The following CAMK4 variants were observed in gnomAD, a reference collection of about 807,000 sequenced individuals.
CAMK4 encodes the protein calcium/calmodulin-dependent protein kinase type IV.
In CAMK4, 22 loss-of-function variants were observed where a neutral mutation model predicts 44.9. The ratio of observed to expected loss-of-function variants is 0.49; its 90% CI spans 0.35 to 0.70. CAMK4 has a LOEUF of 0.70. Among genes scored for constraint, CAMK4 ranks in the 30% least tolerant of loss-of-function variants. CAMK4 has a pLI of 0.01. For missense variants in CAMK4, 498 were observed against 586.8 expected, an observed-to-expected ratio of 0.85 and a Z score of 1.56; for synonymous variants, 218 against 215.4, an observed-to-expected ratio of 1.01 and a Z score of -0.11.
At chr5:111,414,134 A>C (rs75921494) in intron 5 of CAMK4, among the ~76,000 whole-genome samples, 6,613 of 152,236 alleles carry the variant, frequency 0.043, 349 homozygotes, top group African/African-American at 0.13. Context: ...ACTTTGGACT[A>C]AGTATTCAGG....
intron 1 of CAMK4, among the ~76,000 whole-genome samples, chr5:111,249,658 G>GTATATA (rs377078281): frequency 6.5e-4 from 64 of 97,820 alleles, no homozygotes; most frequent in African/African-American, 1.9e-3. Flanking sequence ...GTGTGTGTGT[G>GTATATA]TATATATATG....
chr5:111,419,023 C>G (rs1012999257), intron 5 of CAMK4, among the ~76,000 whole-genome samples: 2 of 152,120 alleles, frequency 1.3e-5, no homozygotes, highest in Non-Finnish European at 2.9e-5. Context: ...GCCACACTGA[C>G]TTCCACAATG....
chr5:111,448,370 CTA>C (rs1754102737), intron 6 of CAMK4, among the ~76,000 whole-genome samples: 1 of 152,134 alleles, frequency 6.6e-6, no homozygotes, highest in South Asian at 2.1e-4. Context: ...TGATGAAAGT[CTA>C]TTTTTTTTCT....
Position 111,289,215 on chromosome 5 carries a change from G to A in CAMK4, c.162-54809G>A, listed in dbSNP as rs113478754. 5.2e-3 allele frequency among the ~76,000 whole-genome samples: 797 copies of A among 152,096 alleles called. 8 individuals carry two copies. The highest frequency in any genetic ancestry group is 0.013 in the African/African-American group (528 of 41,486). Reference sequence around the variant, plus strand: ...CACAAAATTAGCTGGACATGGTGGCGCTCGCCTGTAATCCCAGCTATTCGG... The same window carrying A: ...CACAAAATTAGCTGGACATGGTGGCACTCGCCTGTAATCCCAGCTATTCGG... On this transcript the variant is annotated intron_variant, in intron 1 of 10. Coordinates refer to ENST00000282356, the MANE Select transcript of CAMK4 (RefSeq NM_001744.6).
chr5:111,329,489 A>T (rs909209590), intron 1 of CAMK4, among the ~76,000 whole-genome samples: 2 of 151,924 alleles, frequency 1.3e-5, no homozygotes, highest in Non-Finnish European at 2.9e-5. Context: ...GGGCAGCATA[A>T]CACTAATACC....
chr5:111,225,729 GT>G (rs1332999663), intron 1 of CAMK4, among the ~76,000 whole-genome samples: 1 of 152,188 alleles, frequency 6.6e-6, no homozygotes, highest in Non-Finnish European at 1.5e-5. Context: ...GTGGGAAGAT[GT>G]AATGATCACT....
At position 111,440,372 on chromosome 5, in the gene CAMK4, A is replaced by G. The variant is rs188883375; in HGVS notation, c.460-6314A>G. ...TGTTTATCAATGACAAATATTATTT[A>G]TTTTAGAAATTTTTTGTTACGTAGT... On this transcript the variant is annotated intron_variant, in intron 5 of 10. Coordinates refer to ENST00000282356, the MANE Select transcript of CAMK4 (RefSeq NM_001744.6). Among the ~76,000 whole-genome samples, 29 of 152,324 alleles carry G rather than the reference A, an allele frequency of 1.9e-4. No individual in the cohort carries two copies. In the East Asian group the frequency reaches 5.4e-3, roughly 28 times the overall value.
At chr5:111,356,994 C>A (rs1750389858) in intron 2 of CAMK4, among the ~76,000 whole-genome samples, 1 of 152,050 alleles carries the variant, frequency 6.6e-6, no homozygotes, top group South Asian at 2.1e-4. Flanking sequence ...AGAGCACCAA[C>A]AGGCCTGAGT....
intron 1 of CAMK4, among the ~76,000 whole-genome samples, chr5:111,339,563 T>A (rs1012101215): frequency 6.6e-6 from 1 of 151,416 alleles, no homozygotes; most frequent in Non-Finnish European, 1.5e-5. Context: ...TTCAGGGATC[T>A]CTATTTGTTC....
At chr5:111,282,293 G>C (rs185001004) in intron 1 of CAMK4, among the ~76,000 whole-genome samples, 81 of 152,258 alleles carry the variant, frequency 5.3e-4, no homozygotes, top group Non-Finnish European at 9.9e-4. Context: ...TTAGGTGGCT[G>C]ATGGGGAAAT....
chr5:111,250,561 C>G (rs1749441642), intron 1 of CAMK4, among the ~76,000 whole-genome samples: 1 of 152,214 alleles, frequency 6.6e-6, no homozygotes, highest in Non-Finnish European at 1.5e-5. Context: ...TACAACTCCA[C>G]TTCCCAGTAT....
chr5:111,334,648 T>G (rs1414894631), intron 1 of CAMK4, among the ~76,000 whole-genome samples: 1 of 151,574 alleles, frequency 6.6e-6, no homozygotes, highest in African/African-American at 2.4e-5. Context: ...AAGAGTAATG[T>G]GATGATATAT....
intron 1 of CAMK4, among the ~76,000 whole-genome samples, chr5:111,269,281 A>G (rs183505761): frequency 8.6e-4 from 131 of 152,302 alleles, no homozygotes; most frequent in African/African-American, 2.9e-3. Flanking sequence ...TGACTTGACA[A>G]TTTATGGTAT....
At chr5:111,474,834 A>G (rs1755181037) in intron 8 of CAMK4, among the ~76,000 whole-genome samples, 1 of 152,244 alleles carries the variant, frequency 6.6e-6, no homozygotes, top group African/African-American at 2.4e-5. Flanking sequence ...ATACAAAAAG[A>G]TATTTTGTGT....
intron 9 of CAMK4, among the ~76,000 whole-genome samples, chr5:111,480,693 T>G (rs1259372297): frequency 1.3e-5 from 2 of 152,188 alleles, no homozygotes; most frequent in African/African-American, 4.8e-5. Flanking sequence ...TGCTTTAGTT[T>G]TCTCATCTAG....
Position 111,484,508 on chromosome 5 carries a change from T to G in CAMK4, c.*42T>G, listed in dbSNP as rs1054485074. 3 of 1,356,156 alleles carry G rather than the reference T, an allele frequency of 2.2e-6. No homozygotes were observed. The highest frequency in any genetic ancestry group is 3.0e-6 in the Non-Finnish European group (3 of 1,002,788). 84.0% of individuals were successfully genotyped at this position (1,356,156 alleles called of 1,614,324 possible). On this transcript the variant is annotated 3_prime_UTR_variant, in exon 11 of 11. Transcript: ENST00000282356. This position sits in a 1 kb window ranked among gnomAD's most constrained non-coding sequence, Gnocchi z 5.3. ...CTGGAAGCCAAACACCGGCATTTTA[T>G]GTACTTTGTCCTTCAGCAAGAAAGG...
In CAMK4 at chr5:111,490,089, G is replaced by A. The variant is rs1160226249; in HGVS notation, c.*5623G>A. 6.6e-6 allele frequency: 1 copy of A among 152,114 alleles called. No homozygotes were observed. Among genetic ancestry groups the A allele is most frequent in the African/African-American group, 2.4e-5 (1 of 41,420 alleles). The allele number at this position is 152,114 out of a possible 1,614,324, so 9.4% of individuals were successfully genotyped here. On this transcript the variant is annotated 3_prime_UTR_variant, in exon 11 of 11. Transcript: ENST00000282356. ...ATTTAATCGTTGCTTGTGATTCATT[G>A]TGTCAAAATAACATTTAATTTTCAC...
intron 5 of CAMK4, among the ~76,000 whole-genome samples, chr5:111,402,846 A>G (rs1484664812): frequency 6.6e-6 from 1 of 152,212 alleles, no homozygotes; most frequent in East Asian, 1.9e-4. Context: ...ATGAAGAGAA[A>G]CATAAGTCAT....
intron 7 of CAMK4, among the ~76,000 whole-genome samples, chr5:111,469,144 C>CAAAAAAA (rs1176120789): frequency 3.0e-5 from 2 of 67,498 alleles, no homozygotes; most frequent in Non-Finnish European, 2.5e-5. Flanking sequence ...AACTCCATCT[C>CAAAAAAA]AAAAAAAAAA....
Sources: gnomAD v4.1 joint callset for allele counts (sites outside exome capture counted in the v4.1 genomes callset) on GRCh38, gnomAD v4.1.1 for gene constraint, Gnocchi (gnomAD v3.1) non-coding constraint, MANE v1.5 for transcripts, NCBI Gene and HGNC (gene_info 2026-07-23, HGNC 2026-07-21) for gene names.